Variants in ARNT2 observed in about 807,000 individuals in gnomAD.
The protein encoded by ARNT2 is ARNT protein 2.
ARNT2 carries 36 observed loss-of-function variants against 91.7 expected under a neutral mutation model. The ratio of observed to expected loss-of-function variants is 0.39; its 90% CI spans 0.30 to 0.52. The LOEUF (loss-of-function observed/expected upper bound fraction) is 0.52. ARNT2 is among the 20% of genes least tolerant of loss of function. The probability of loss-of-function intolerance (pLI) is 0.72; values close to 1 mark genes in which losing one functional copy is unlikely to be tolerated. For missense variants in ARNT2, 775 were observed against 939.3 expected, an observed-to-expected ratio of 0.83 and a Z score of 2.29; for synonymous variants, 365 against 347.1, an observed-to-expected ratio of 1.05 and a Z score of -0.57.
Position 80,595,897 on chromosome 15 carries a change from C to G in ARNT2, c.*2199C>G, listed in dbSNP as rs1446334676. The G allele has an allele frequency of 3.9e-5, 6 of 152,202 alleles. No individual in the cohort carries two copies. The East Asian group carries it at 1.2e-3, about 29-fold the overall frequency. 9.4% of individuals were successfully genotyped at this position (152,202 alleles called of 1,614,324 possible). On this transcript the variant is annotated 3_prime_UTR_variant, in exon 19 of 19. Transcript: ENST00000303329. The stretch of plus-strand genomic sequence containing the variant: ...CATAATTATTTCCCCCCAAAAAAGG[C>G]ACAAAAATAGGTTTTGGATCAAAGA...
At chr15:80,550,906 T>C (rs1447611822) in intron 8 of ARNT2, among the ~76,000 whole-genome samples, 1 of 152,244 alleles carries the variant, frequency 6.6e-6, no homozygotes, top group African/African-American at 2.4e-5. Flanking sequence ...TAAATAAATG[T>C]TTTGTCCAAG....
chr15:80,568,438 A>ATG (rs141243980), intron 12 of ARNT2, among the ~76,000 whole-genome samples: 9 of 151,782 alleles, frequency 5.9e-5, no homozygotes, highest in African/African-American at 1.7e-4. Flanking sequence ...GTGCTCGTGT[A>ATG]TGTGTGTGTG....
chr15:80,446,294 T>C (rs1271104285), intron 1 of ARNT2, among the ~76,000 whole-genome samples: 2 of 152,154 alleles, frequency 1.3e-5, no homozygotes, highest in Non-Finnish European at 2.9e-5. Context: ...TGATAAATAA[T>C]TGGCTTTCCT....
chr15:80,550,502 G>A (rs989045949), intron 8 of ARNT2, among the ~76,000 whole-genome samples: 1 of 152,158 alleles, frequency 6.6e-6, no homozygotes, highest in Non-Finnish European at 1.5e-5. Flanking sequence ...TTTTCACTAC[G>A]ACAGTTCTAA....
intron 6 of ARNT2, among the ~76,000 whole-genome samples, chr15:80,511,691 G>T (rs919160226): frequency 6.6e-6 from 1 of 152,098 alleles, no homozygotes; most frequent in African/African-American, 2.4e-5. Context: ...GAAATCTCGT[G>T]GGAGGTGGGT....
intron 1 of ARNT2, chr15:80,441,478 AC>A (rs1298230176): frequency 3.7e-5 from 30 of 814,472 alleles, no homozygotes; most frequent in Non-Finnish European, 4.3e-5. Flanking sequence ...GCCTGCCCTC[AC>A]CCCCCTCCCA....
rs1031691231 is a variant in ARNT2, at chr15:80,577,102, G to A, written c.1613+137G>A. 3 of 787,960 alleles carry A rather than the reference G, an allele frequency of 3.8e-6. No individual in the cohort carries two copies. In the Admixed American group the frequency reaches 7.8e-5, roughly 21 times the overall value. The allele number at this position is 787,960 out of a possible 1,614,324, so 48.8% of individuals were successfully genotyped here. On this transcript the variant is annotated intron_variant, in intron 15 of 18. Coordinates refer to ENST00000303329, the MANE Select transcript of ARNT2 (RefSeq NM_014862.4). ...CGCTCAGGCCTTGGACTAAACTGAG[G>A]ATTCTGGTGGCTCTGCTTCTGCTCT...
At chr15:80,531,831 G>T (rs1017588100) in intron 8 of ARNT2, among the ~76,000 whole-genome samples, 1 of 152,178 alleles carries the variant, frequency 6.6e-6, no homozygotes, top group African/African-American at 2.4e-5. Flanking sequence ...CTTATAGATG[G>T]AGAACCTGAA....
At chr15:80,468,105 A>C (rs1182309116) in intron 3 of ARNT2, among the ~76,000 whole-genome samples, 1 of 151,760 alleles carries the variant, frequency 6.6e-6, no homozygotes, top group African/African-American at 2.4e-5. Context: ...TCTCCTGGAG[A>C]GTATATGCCC....
intron 1 of ARNT2, among the ~76,000 whole-genome samples, chr15:80,447,412 A>G (rs148995096): frequency 1.3e-4 from 20 of 152,342 alleles, no homozygotes; most frequent in Middle Eastern, 3.4e-3. Context: ...TATACAGTGC[A>G]GTGTTCAGTT....
At chr15:80,550,251 AAGAAGAC>A (rs1898060298) in intron 8 of ARNT2, among the ~76,000 whole-genome samples, 1 of 152,222 alleles carries the variant, frequency 6.6e-6, no homozygotes, top group Non-Finnish European at 1.5e-5. Flanking sequence ...CAAGGATGGA[AAGAAGAC>A]AGAATGTAGT....
chr15:80,494,160 G>A lies in ARNT2; in HGVS notation c.623-13996G>A, dbSNP rs536255061. The stretch of plus-strand genomic sequence containing the variant: ...ACACAAAATGAACTAAGACACATGA[G>A]CTGCTCATACTCATTTCCAGACCAT... On this transcript the variant is annotated intron_variant, in intron 5 of 18. Coordinates refer to ENST00000303329, the MANE Select transcript of ARNT2 (RefSeq NM_014862.4). Among the ~76,000 whole-genome samples the A allele has an allele frequency of 2.0e-5, 3 of 152,300 alleles. No individual in the cohort carries two copies. In the South Asian group the frequency reaches 6.2e-4, roughly 32 times the overall value.
At chr15:80,409,200 C>G (rs1431999136) in intron 1 of ARNT2, among the ~76,000 whole-genome samples, 2 of 152,192 alleles carry the variant, frequency 1.3e-5, no homozygotes, top group African/African-American at 4.8e-5. Flanking sequence ...AGTATTTTCA[C>G]TGCCCTAAAA....
chr15:80,576,804 C>T, intron 14 of ARNT2, 62 bp from the exon 15 acceptor site: 1 of 1,570,050 alleles, frequency 6.4e-7, no homozygotes, highest in South Asian at 1.1e-5. Context: ...CTTGGGGCAG[C>T]CTCCTCTGTG....
intron 3 of ARNT2, among the ~76,000 whole-genome samples, chr15:80,464,258 T>C (rs1002130756): frequency 1.3e-5 from 2 of 150,504 alleles, no homozygotes; most frequent in African/African-American, 4.9e-5. Context: ...GGTAAGTCAG[T>C]GTGACCCTTG....
rs191916580 is a variant in ARNT2 at position 80,404,817 on chromosome 15, A to C, written c.31+271A>C. 2.5e-4 allele frequency among the ~76,000 whole-genome samples: 38 copies of C among 152,234 alleles called. 2 individuals are homozygous for C. The East Asian group carries it at 3.1e-3, about 12-fold the overall frequency. ...TCGCATCCTCGGGAACCCGAAGGGC[A>C]GGCCCGGGAGCCCCCGAAGTTCTGA... On this transcript the variant is annotated intron_variant, in intron 1 of 18. Transcript: ENST00000303329. The surrounding 1 kb of genome is among the most constrained non-coding windows in gnomAD (Gnocchi z 5.5).
intron 2 of ARNT2, among the ~76,000 whole-genome samples, chr15:80,453,572 T>C (rs1896435140): frequency 1.3e-5 from 2 of 152,202 alleles, no homozygotes; most frequent in Non-Finnish European, 2.9e-5. Flanking sequence ...TGATAATAGC[T>C]CCTTCAACCA....
chr15:80,499,752 G>C (rs1897166055), intron 5 of ARNT2, among the ~76,000 whole-genome samples: 1 of 152,204 alleles, frequency 6.6e-6, no homozygotes, highest in Admixed American at 6.5e-5. Flanking sequence ...CCCAGGGTGT[G>C]TCAGGTGCTC....
At chr15:80,557,879 TA>T (rs1277123346) in intron 11 of ARNT2, among the ~76,000 whole-genome samples, 12 of 152,196 alleles carry the variant, frequency 7.9e-5, no homozygotes, top group African/African-American at 2.9e-4. Context: ...TCGGAAGACA[TA>T]AATTAGGTTT....
Sources: allele counts gnomAD v4.1 joint callset (sites outside exome capture counted in the v4.1 genomes callset), GRCh38; gene constraint gnomAD v4.1.1; non-coding constraint Gnocchi (gnomAD v3.1); transcripts MANE v1.5; gene names NCBI Gene and HGNC (gene_info 2026-07-23, HGNC 2026-07-21).